The following ERC2 variants were observed in gnomAD, a reference collection of about 807,000 sequenced individuals.
ERC2 encodes ERC protein 2.
Under a neutral mutation model 114.8 loss-of-function variants are expected in ERC2, and 42 were observed. That is an observed-to-expected ratio of 0.37 (90% CI 0.29 to 0.47). The LOEUF (loss-of-function observed/expected upper bound fraction) is 0.47, where lower values mean the gene tolerates loss of function less well. Among genes scored for constraint, ERC2 ranks in the 20% least tolerant of loss-of-function variants. The pLI is 0.99. For missense variants in ERC2, 939 were observed against 1,150.7 expected (o/e 0.82, Z 2.66); for synonymous variants, 454 against 425.5 (o/e 1.07, Z -0.82).
intron 17 of ERC2, among the ~76,000 whole-genome samples, chr3:55,596,888 T>C (rs2058164842): frequency 6.6e-6 from 1 of 152,206 alleles, no homozygotes; most frequent in African/African-American, 2.4e-5. Flanking sequence ...TTAATGCTTA[T>C]CTCTCAGAAA....
At chr3:56,158,582 C>T (rs532118949) in intron 4 of ERC2, among the ~76,000 whole-genome samples, 1 of 152,192 alleles carries the variant, frequency 6.6e-6, no homozygotes, top group South Asian at 2.1e-4. Context: ...TCATTTTAAT[C>T]CCCACCACAA....
intron 3 of ERC2, among the ~76,000 whole-genome samples, chr3:56,229,770 T>G (rs1252954065): frequency 6.6e-6 from 1 of 151,956 alleles, no homozygotes; most frequent in Non-Finnish European, 1.5e-5. Flanking sequence ...ATTGAAAACA[T>G]TCTAACTAGT....
At chr3:56,328,838 T>C (rs1486071151) in intron 2 of ERC2, among the ~76,000 whole-genome samples, 2 of 152,254 alleles carry the variant, frequency 1.3e-5, no homozygotes, top group East Asian at 3.9e-4. Flanking sequence ...TGACATTGAA[T>C]TGAAAAACGG....
chr3:55,595,303 C>G (rs558115889), intron 17 of ERC2, among the ~76,000 whole-genome samples: 1 of 152,298 alleles, frequency 6.6e-6, no homozygotes, highest in African/African-American at 2.4e-5. Context: ...ACAGGAGACA[C>G]TGAAACTAAA....
At chr3:56,252,919 T>C (rs1202424713) in intron 3 of ERC2, among the ~76,000 whole-genome samples, 1 of 152,202 alleles carries the variant, frequency 6.6e-6, no homozygotes, top group East Asian at 1.9e-4. Flanking sequence ...TAGAAAACTT[T>C]TTAAAAATAC....
chr3:55,717,707 G>C (rs1193571871), intron 15 of ERC2, among the ~76,000 whole-genome samples: 1 of 152,186 alleles, frequency 6.6e-6, no homozygotes, highest in East Asian at 1.9e-4. Flanking sequence ...ACTGGAGAAT[G>C]AGGCCTCTCC....
At chr3:56,241,284 A>G (rs2051303807) in intron 3 of ERC2, among the ~76,000 whole-genome samples, 1 of 152,166 alleles carries the variant, frequency 6.6e-6, no homozygotes. Context: ...TAACAAACAC[A>G]TGAAAAAAAT....
intron 3 of ERC2, among the ~76,000 whole-genome samples, chr3:56,279,903 G>A (rs1005089214): frequency 2.6e-5 from 4 of 152,278 alleles, no homozygotes; most frequent in East Asian, 1.9e-4. Context: ...GCTGAGTAAC[G>A]GACCCCCTCA....
chr3:55,748,956 C>CA (rs1365049823), intron 14 of ERC2, among the ~76,000 whole-genome samples: 1 of 152,210 alleles, frequency 6.6e-6, no homozygotes, highest in East Asian at 1.9e-4. Context: ...TGTTTGCTTA[C>CA]AACACATGCC....
intron 3 of ERC2, among the ~76,000 whole-genome samples, chr3:56,211,095 G>A (rs929111142): frequency 1.5e-4 from 23 of 151,982 alleles, no homozygotes; most frequent in African/African-American, 5.6e-4. Context: ...TAATTTTTCA[G>A]CCAGAGCAAT....
chr3:55,734,652 G>A, intron 15 of ERC2, 119 bp downstream of exon 15: 1 of 1,259,276 alleles, frequency 7.9e-7, no homozygotes, highest in Non-Finnish European at 1.1e-6. Flanking sequence ...ACTCCTACCT[G>A]GTTTTAGGAG....
intron 17 of ERC2, among the ~76,000 whole-genome samples, chr3:55,576,321 A>T (rs567858017): frequency 7.5e-4 from 114 of 152,202 alleles, no homozygotes; most frequent in East Asian, 6.4e-3. Flanking sequence ...AAAAAAAAAA[A>T]AAATAAATCC....
At chr3:55,644,678 GAATA>G (rs1360488541) in intron 17 of ERC2, among the ~76,000 whole-genome samples, 2 of 151,770 alleles carry the variant, frequency 1.3e-5, no homozygotes, top group African/African-American at 2.4e-5. Context: ...TCTATATGAT[GAATA>G]AATAATATAT....
At chr3:55,818,157 C>A (rs568005626) in intron 14 of ERC2, among the ~76,000 whole-genome samples, 2 of 152,162 alleles carry the variant, frequency 1.3e-5, no homozygotes, top group African/African-American at 4.8e-5. Context: ...TGGAAGGAGA[C>A]CATACCCTGA....
intron 13 of ERC2, among the ~76,000 whole-genome samples, chr3:55,914,072 A>G (rs1414784205): frequency 3.9e-5 from 6 of 152,090 alleles, no homozygotes; most frequent in Non-Finnish European, 8.8e-5. Context: ...GTGAGGAACA[A>G]GGAGACTGGA....
chr3:56,060,541 C>T (rs1284353836), intron 7 of ERC2, among the ~76,000 whole-genome samples: 1 of 152,210 alleles, frequency 6.6e-6, no homozygotes, highest in Non-Finnish European at 1.5e-5. Flanking sequence ...TGTCTTTCAT[C>T]TAACAACCCA....
intron 6 of ERC2, among the ~76,000 whole-genome samples, chr3:56,122,152 T>C (rs1174369244): frequency 3.3e-5 from 5 of 152,210 alleles, no homozygotes; most frequent in Admixed American, 2.6e-4. Flanking sequence ...AAGCACGGTA[T>C]GTGGAGTAAT....
chr3:56,088,988 C>A (rs894715548), intron 6 of ERC2, among the ~76,000 whole-genome samples: 5 of 152,084 alleles, frequency 3.3e-5, no homozygotes, highest in Non-Finnish European at 1.5e-5. Flanking sequence ...GAGTGGAGAA[C>A]CAGCAAATAA....
At chr3:55,917,270 G>A (rs559119817) in intron 13 of ERC2, among the ~76,000 whole-genome samples, 1 of 152,086 alleles carries the variant, frequency 6.6e-6, no homozygotes, top group Admixed American at 6.5e-5. Flanking sequence ...AAATGGCAGG[G>A]GTAAAAACTT....
Sources: allele counts gnomAD v4.1 joint callset (sites outside exome capture counted in the v4.1 genomes callset), GRCh38; gene constraint gnomAD v4.1.1; transcripts MANE v1.5; gene names NCBI Gene and HGNC (gene_info 2026-07-23, HGNC 2026-07-21).